The following CNTN5 variants were observed in gnomAD, a reference collection of about 807,000 sequenced individuals.
CNTN5 encodes contactin-5.
A neutral mutation model predicts 129.1 loss-of-function variants in CNTN5; 77 were observed. The observed-to-expected ratio is 0.60, with a 90% CI of 0.50 to 0.72. The LOEUF is 0.72. Ranked by LOEUF, CNTN5 falls within the 30% of genes least tolerant of loss-of-function variation. The pLI is 0.00. For synonymous variants in CNTN5, 509 were observed against 465.6 expected, an observed-to-expected ratio of 1.09 and a Z score of -1.20; for missense variants, 1,478 against 1,328.8, an observed-to-expected ratio of 1.11 and a Z score of -1.75.
At chr11:99,973,826 T>C (rs181218074) in intron 8 of CNTN5, among the ~76,000 whole-genome samples, 1 of 152,302 alleles carries the variant, frequency 6.6e-6, no homozygotes, top group East Asian at 1.9e-4. Flanking sequence ...TTTAGAAGTG[T>C]TTCTTCCAGA....
intron 6 of CNTN5, among the ~76,000 whole-genome samples, chr11:99,900,618 T>C (rs1213368094): frequency 1.3e-5 from 2 of 152,166 alleles, no homozygotes; most frequent in African/African-American, 4.8e-5. Flanking sequence ...ATGTAATAGA[T>C]ATTTCTACAA....
At chr11:99,085,352 C>T (rs61891140) in intron 1 of CNTN5, among the ~76,000 whole-genome samples, 9,572 of 152,052 alleles carry the variant, frequency 0.063, 810 homozygotes, top group East Asian at 0.35. Flanking sequence ...GCCTAGTAAC[C>T]AAATTGTTTT....
chr11:99,725,718 A>G (rs1943315415), intron 3 of CNTN5, among the ~76,000 whole-genome samples: 1 of 152,200 alleles, frequency 6.6e-6, no homozygotes. Flanking sequence ...GTGTATCTGC[A>G]TGTCCTTCAG....
At chr11:99,779,162 A>T (rs539485616) in intron 3 of CNTN5, among the ~76,000 whole-genome samples, 6 of 152,032 alleles carry the variant, frequency 3.9e-5, no homozygotes, top group Non-Finnish European at 8.8e-5. Context: ...GAGGAAAAAC[A>T]GTTTTCATAA....
intron 3 of CNTN5, among the ~76,000 whole-genome samples, chr11:99,582,755 T>C (rs1374063770): frequency 1.3e-5 from 2 of 152,190 alleles, no homozygotes; most frequent in Non-Finnish European, 2.9e-5. Flanking sequence ...TTAACTTCTT[T>C]GCCATTGGTT....
At chr11:100,226,288 T>C (rs1017753681) in intron 16 of CNTN5, among the ~76,000 whole-genome samples, 28 of 152,196 alleles carry the variant, frequency 1.8e-4, no homozygotes, top group African/African-American at 6.0e-4. Context: ...ATTTATTGTC[T>C]GCACTTGCCT....
chr11:99,030,357 G>A (rs1863310925), intron 1 of CNTN5, among the ~76,000 whole-genome samples: 1 of 152,040 alleles, frequency 6.6e-6, no homozygotes, highest in African/African-American at 2.4e-5. Flanking sequence ...AATGACTCTA[G>A]TATTCTAAAT....
At chr11:99,703,769 T>C (rs889904535) in intron 3 of CNTN5, among the ~76,000 whole-genome samples, 19 of 151,062 alleles carry the variant, frequency 1.3e-4, no homozygotes, top group African/African-American at 4.1e-4. Flanking sequence ...TTGGTTAATT[T>C]GATCATTTAA....
intron 2 of CNTN5, among the ~76,000 whole-genome samples, chr11:99,408,486 G>GAAAGAAAT: frequency 6.8e-6 from 1 of 147,542 alleles, no homozygotes; most frequent in South Asian, 2.3e-4. Context: ...AAGAAAGAAA[G>GAAAGAAAT]AAAGAAAGAA....
chr11:99,563,626 G>A (rs2135556931), intron 3 of CNTN5, among the ~76,000 whole-genome samples: 1 of 145,864 alleles, frequency 6.9e-6, no homozygotes, highest in East Asian at 2.1e-4. Flanking sequence ...TTCTGGTCTG[G>A]GCAGCCTCAG....
At chr11:100,300,345 T>C (rs1331552672) in intron 20 of CNTN5, among the ~76,000 whole-genome samples, 3 of 151,440 alleles carry the variant, frequency 2.0e-5, no homozygotes, top group Non-Finnish European at 4.4e-5. Context: ...TCAGTTAACC[T>C]TACAAGTGGG....
At chr11:100,213,180 C>G (rs1475877440) in intron 15 of CNTN5, among the ~76,000 whole-genome samples, 1 of 152,074 alleles carries the variant, frequency 6.6e-6, no homozygotes, top group Non-Finnish European at 1.5e-5. Flanking sequence ...CTCCAAATTT[C>G]ACATACAATG....
intron 2 of CNTN5, among the ~76,000 whole-genome samples, chr11:99,526,719 G>GT (rs1947501520): frequency 6.6e-6 from 1 of 152,182 alleles, no homozygotes; most frequent in African/African-American, 2.4e-5. Flanking sequence ...GTGTTCAAGT[G>GT]TAAGTCTGTG....
Position 100,341,109 on chromosome 11 carries a change from T to C in CNTN5, c.2934T>C (p.Pro978=), listed in dbSNP as rs2139014462. 1 of 1,613,548 alleles carries C rather than the reference T, an allele frequency of 6.2e-7. No homozygotes were observed. The highest frequency in any genetic ancestry group is 2.2e-5 in the East Asian group (1 of 44,860). ...ATTTTGCAGCTCCTAGTCAAGCACC[T>C]AGCAACCTCAGGTGGGAGCAGCAAG... ...TTKKSPPSQA[P]SNLRWEQQGS... Residue 978 remains proline (P), a synonymous_variant, in exon 23 of 25, where the codon CCT becomes CCC. Coordinates refer to ENST00000524871, the MANE Select transcript of CNTN5 (RefSeq NM_014361.4).
intron 3 of CNTN5, among the ~76,000 whole-genome samples, chr11:99,702,074 T>C (rs1591501151): frequency 6.6e-6 from 1 of 151,086 alleles, no homozygotes. Flanking sequence ...GTTATATAGT[T>C]ATTAATAGAG....
At chr11:100,205,279 T>C (rs1446884131) in intron 15 of CNTN5, among the ~76,000 whole-genome samples, 1 of 152,060 alleles carries the variant, frequency 6.6e-6, no homozygotes, top group African/African-American at 2.4e-5. Context: ...CTAAGTGTTA[T>C]GATATATTTA....
chr11:99,819,656 C>T lies in CNTN5; in HGVS notation c.168C>T (p.Ser56=), dbSNP rs1240440923. 3.7e-6 allele frequency: 6 copies of T among 1,612,866 alleles called. No homozygotes were observed. Among genetic ancestry groups the T allele is most frequent in the Non-Finnish European group, 4.2e-6 (5 of 1,179,810 alleles). The change falls in exon 4 of 25, where the codon AGC becomes AGT. Residue 56 remains serine, a synonymous_variant. Transcript: ENST00000524871. The part of the protein sequence containing the change: ...FGSKTRPRYS[S]PSLGTLSASS... ...CCAAAACCAGACCACGATACAGCAGCCCTTCATTAGGAACACTGAGTGCTT... is the reference window on the plus strand; with the variant it reads ...CCAAAACCAGACCACGATACAGCAGTCCTTCATTAGGAACACTGAGTGCTT...
At chr11:99,844,086 A>G (rs889871160) in intron 4 of CNTN5, among the ~76,000 whole-genome samples, 5 of 152,164 alleles carry the variant, frequency 3.3e-5, no homozygotes, top group African/African-American at 9.7e-5. Flanking sequence ...ATTAGCTTCA[A>G]ATTACTTTTA....
chr11:100,131,613 G>C (rs1220379266), intron 13 of CNTN5, among the ~76,000 whole-genome samples: 1 of 151,882 alleles, frequency 6.6e-6, no homozygotes, highest in Non-Finnish European at 1.5e-5. Context: ...AAATGAAAAG[G>C]GAACAAAGCC....
Sources: allele counts gnomAD v4.1 joint callset (sites outside exome capture counted in the v4.1 genomes callset), GRCh38; gene constraint gnomAD v4.1.1; transcripts MANE v1.5; gene names NCBI Gene and HGNC (gene_info 2026-07-23, HGNC 2026-07-21).